Variants in KSR1 observed in about 807,000 individuals in gnomAD.
The protein encoded by KSR1 is kinase suppressor of ras.
In KSR1, 35 loss-of-function variants were observed where a neutral mutation model predicts 92.9. That is an observed-to-expected ratio of 0.38 (90% CI 0.29 to 0.50). The LOEUF is 0.50. Ranked by LOEUF, KSR1 falls within the 20% of genes least tolerant of loss-of-function variation. The pLI is 0.94. For synonymous variants in KSR1, 467 were observed against 472.6 expected (o/e 0.99, Z 0.15); for missense variants, 972 against 1,158.5 (o/e 0.84, Z 2.34).
In KSR1 at chr17:27,605,375, A is replaced by G. The variant is rs550317842; in HGVS notation, c.1615-59A>G. On this transcript the variant is annotated intron_variant, in intron 13 of 20. Coordinates refer to ENST00000644974, the MANE Select transcript of KSR1 (RefSeq NM_001394583.1). ...CCTGGCTAGGGCTCCAGGAGAAGGA[A>G]GAGACGTCGCAGAGCCCAGATCTGC... 3.5e-3 allele frequency: 5,389 copies of G among 1,545,282 alleles called. 16 individuals carry two copies. The highest frequency in any genetic ancestry group is 4.2e-3 in the Non-Finnish European group (4,921 of 1,158,168).
chr17:27,588,407 G>A, intron 5 of KSR1, 68 bp from the exon 6 acceptor site: 1 of 1,415,648 alleles, frequency 7.1e-7, no homozygotes, highest in Non-Finnish European at 9.6e-7. Flanking sequence ...TCTGAATTAG[G>A]AAGTCATGGG....
At chr17:27,487,082 G>A (rs1011430201) in intron 1 of KSR1, among the ~76,000 whole-genome samples, 1 of 152,184 alleles carries the variant, frequency 6.6e-6, no homozygotes, top group South Asian at 2.1e-4. Context: ...CCCTTATACT[G>A]TGTTAGTCCA....
At chr17:27,609,942 G>T (rs951310288) in intron 16 of KSR1, 125 bp from the exon 17 acceptor site, 1 of 1,233,940 alleles carries the variant, frequency 8.1e-7, no homozygotes, top group Non-Finnish European at 1.1e-6. Flanking sequence ...AGTGTTCTGG[G>T]TCTGGGTGTG....
intron 1 of KSR1, among the ~76,000 whole-genome samples, chr17:27,511,592 G>A (rs1390712101): frequency 1.3e-5 from 2 of 152,212 alleles, no homozygotes; most frequent in African/African-American, 4.8e-5. Context: ...GGGCGAGGTG[G>A]GAGTGGGATG....
At position 27,577,879 on chromosome 17, in the gene KSR1, A is replaced by G. The variant is rs1334899707; in HGVS notation, c.520+240A>G. 2 of 654,904 alleles carry G rather than the reference A, an allele frequency of 3.1e-6. No homozygotes were observed. Among genetic ancestry groups the G allele is most frequent in the South Asian group, 3.3e-5 (2 of 61,370 alleles). The allele number at this position is 654,904 out of a possible 1,614,324, so 40.6% of individuals were successfully genotyped here. A position where few individuals can be genotyped will look rare whatever the true frequency, so the allele number is the denominator to read the frequency against. Reference sequence around the variant, plus strand: ...GGTTTCAGCCATGGTTAGAAATCCCAGGCCTGTCTGCTGGGCTGGGCTGGC... The same window carrying G: ...GGTTTCAGCCATGGTTAGAAATCCCGGGCCTGTCTGCTGGGCTGGGCTGGC... On this transcript the variant is annotated intron_variant, in intron 3 of 20. Transcript: ENST00000644974. This position sits in a 1 kb window ranked among gnomAD's most constrained non-coding sequence, Gnocchi z 4.5.
intron 1 of KSR1, among the ~76,000 whole-genome samples, chr17:27,491,304 GGT>G (rs60738939): frequency 0.017 from 1,901 of 109,994 alleles, 38 homozygotes; most frequent in African/African-American, 0.048. Flanking sequence ...TTTTGTTAGT[GGT>G]GTGTGTGTGT....
intron 18 of KSR1, among the ~76,000 whole-genome samples, chr17:27,616,809 C>T (rs1344529499): frequency 6.6e-6 from 1 of 152,244 alleles, no homozygotes; most frequent in Non-Finnish European, 1.5e-5. Context: ...GCAGTCGGGA[C>T]AGCTGTTCTG....
chr17:27,585,586 G>C (rs1468631536), intron 4 of KSR1, 71 bp from the exon 5 acceptor site: 1 of 727,670 alleles, frequency 1.4e-6, no homozygotes, highest in Non-Finnish European at 2.6e-6. Context: ...CCCGCCCAAG[G>C]GTAGTGTTCT....
At chr17:27,506,943 C>T (rs778874614) in intron 1 of KSR1, among the ~76,000 whole-genome samples, 10 of 152,172 alleles carry the variant, frequency 6.6e-5, no homozygotes, top group Admixed American at 3.3e-4. Flanking sequence ...CCTCAAATCT[C>T]GGGATCTGAT....
intron 12 of KSR1, 33 bp downstream of exon 12, chr17:27,603,921 C>A: frequency 6.2e-7 from 1 of 1,607,400 alleles, no homozygotes; most frequent in Non-Finnish European, 8.5e-7. Flanking sequence ...CCCTTCGCTT[C>A]TTTGGGGAAT....
intron 1 of KSR1, among the ~76,000 whole-genome samples, chr17:27,465,828 C>T (rs1282231888): frequency 6.6e-6 from 1 of 151,930 alleles, no homozygotes; most frequent in African/African-American, 2.4e-5. Flanking sequence ...GGGAGACCAG[C>T]TTCATTCATG....
In KSR1 at chr17:27,595,614, T is replaced by G. The variant is rs114118383; in HGVS notation, c.1300-1654T>G. On this transcript the variant is annotated intron_variant, in intron 9 of 20. Transcript: ENST00000644974. ...AAGCTGGAGCTTAGGCCTCTCTCCCTGCCCCCCACTTTCTCCCTTCACCCC... is the reference window on the plus strand; with the variant it reads ...AAGCTGGAGCTTAGGCCTCTCTCCCGGCCCCCCACTTTCTCCCTTCACCCC... Among the ~76,000 whole-genome samples, 1,312 of 142,444 alleles carry G rather than the reference T, an allele frequency of 9.2e-3. 24 individuals carry two copies. The highest frequency in any genetic ancestry group is 0.031 in the African/African-American group (1,219 of 39,396). The allele number at this position is 142,444 out of a possible 152,430, so 93.4% of individuals were successfully genotyped here. A position where few individuals can be genotyped will look rare whatever the true frequency, so the allele number is the denominator to read the frequency against.
At chr17:27,576,099 C>A (rs1238181065) in intron 2 of KSR1, among the ~76,000 whole-genome samples, 1 of 152,198 alleles carries the variant, frequency 6.6e-6, no homozygotes, top group Non-Finnish European at 1.5e-5. Flanking sequence ...CCCCCATTCC[C>A]CTCCTCCTTC....
rs747981973 is a variant in KSR1, at chr17:27,582,921, C to T, written c.796C>T (p.His266Tyr). 15 of 1,612,408 alleles carry T rather than the reference C, an allele frequency of 9.3e-6. No homozygotes were observed. The highest frequency in any genetic ancestry group is 4.4e-5 in the South Asian group (4 of 90,912). The stretch of plus-strand genomic sequence containing the variant: ...CGGCCGGCTGACCCCCCGTGCCCTG[C>T]ACAGCTTCATCACCCCGCCCACCAC... ...ASGRLTPRAL[H>Y]SFITPPTTPQ... is the part of the protein sequence containing the mutation. The change falls in exon 4 of 21, where the codon CAC becomes TAC. Residue 266 changes from histidine to tyrosine, a missense_variant. Around this residue, in one of 5 missense-constraint regions of KSR1, gnomAD observed 611 missense variants for 668.0 expected, o/e 0.91. Transcript: ENST00000644974.
intron 2 of KSR1, among the ~76,000 whole-genome samples, chr17:27,554,876 A>G (rs550653603): frequency 1.3e-4 from 20 of 152,298 alleles, no homozygotes; most frequent in African/African-American, 4.1e-4. Flanking sequence ...ATAATTTTAG[A>G]TTTACAGAAA....
intron 2 of KSR1, among the ~76,000 whole-genome samples, chr17:27,571,029 A>G (rs1223666070): frequency 1.3e-5 from 2 of 152,200 alleles, no homozygotes; most frequent in Admixed American, 6.5e-5. Flanking sequence ...GACTTGTCCG[A>G]GGTCAGGGGC....
intron 2 of KSR1, among the ~76,000 whole-genome samples, chr17:27,571,679 C>T (rs1301862390): frequency 6.6e-6 from 1 of 152,268 alleles, no homozygotes. Context: ...GCAGCACTGC[C>T]TGAGGCATGT....
At chr17:27,604,848 G>A in intron 13 of KSR1, 120 bp downstream of exon 13, 2 of 945,564 alleles carry the variant, frequency 2.1e-6, no homozygotes, top group Non-Finnish European at 1.7e-6. Context: ...GCTGTCCCAG[G>A]CACCCATTGC....
At chr17:27,581,638 C>G (rs35643366) in intron 3 of KSR1, among the ~76,000 whole-genome samples, 46,016 of 151,968 alleles carry the variant, frequency 0.3, 7,635 homozygotes, top group East Asian at 0.52. Flanking sequence ...CTCTCTCCAC[C>G]CCCACAGCTG....
Sources: gnomAD v4.1 joint callset for allele counts (sites outside exome capture counted in the v4.1 genomes callset) on GRCh38, gnomAD v4.1.1 for gene constraint, gnomAD v4.1.1 regional missense constraint, Gnocchi (gnomAD v3.1) non-coding constraint, MANE v1.5 for transcripts, NCBI Gene and HGNC (gene_info 2026-07-23, HGNC 2026-07-21) for gene names.